MIPEP: variants seen among roughly 807,000 people sequenced by gnomAD.
The protein encoded by MIPEP is mitochondrial intermediate peptidase.
In MIPEP, 79 loss-of-function variants were observed where a neutral mutation model predicts 90.3. The observed-to-expected ratio is 0.87, with a 90% confidence interval of 0.73 to 1.05. The LOEUF is 1.05. Among genes scored for constraint, MIPEP ranks in the 50% least tolerant of loss-of-function variants. The probability of loss-of-function intolerance (pLI) is 0.00; values close to 1 mark genes in which losing one functional copy is unlikely to be tolerated. For synonymous variants in MIPEP, 334 were observed against 315.8 expected, an observed-to-expected ratio of 1.06 and a Z score of -0.61; for missense variants, 940 against 905.6, an observed-to-expected ratio of 1.04 and a Z score of -0.49.
intron 16 of MIPEP, among the ~76,000 whole-genome samples, chr13:23,773,225 A>G (rs562512631): frequency 6.6e-6 from 1 of 152,304 alleles, no homozygotes; most frequent in African/African-American, 2.4e-5. Flanking sequence ...ATGAAATCAC[A>G]CAATAGAGGT....
At chr13:23,843,668 C>G (rs1279922581) in intron 10 of MIPEP, among the ~76,000 whole-genome samples, 1 of 152,144 alleles carries the variant, frequency 6.6e-6, no homozygotes, top group Non-Finnish European at 1.5e-5. Flanking sequence ...GAATGCTGCA[C>G]AGTGGACAGC....
At chr13:23,753,223 CAAAAA>C (rs765963824) in intron 18 of MIPEP, among the ~76,000 whole-genome samples, 1 of 128,124 alleles carries the variant, frequency 7.8e-6, no homozygotes, top group African/African-American at 2.7e-5. Flanking sequence ...GACTCCATCT[CAAAAA>C]AAAAAAAAAA....
intron 14 of MIPEP, among the ~76,000 whole-genome samples, chr13:23,833,804 G>A (rs968467771): frequency 3.9e-5 from 6 of 152,014 alleles, no homozygotes; most frequent in Non-Finnish European, 5.9e-5. Flanking sequence ...GTCCTCCCAC[G>A]CCCTGTGTTC....
chr13:23,851,954 T>C (rs1291162451), intron 10 of MIPEP, among the ~76,000 whole-genome samples: 1 of 152,226 alleles, frequency 6.6e-6, no homozygotes, highest in Non-Finnish European at 1.5e-5. Flanking sequence ...TGAGTTATTA[T>C]ATGTAACATC....
chr13:23,760,052 T>C (rs1348637398), intron 17 of MIPEP, 44 bp downstream of exon 17: 1 of 1,612,508 alleles, frequency 6.2e-7, no homozygotes, highest in Non-Finnish European at 8.5e-7. Context: ...AGTGGGGAAT[T>C]ACTGTGGTCC....
At chr13:23,864,416 C>T (rs756342269) in intron 7 of MIPEP, among the ~76,000 whole-genome samples, 1 of 152,098 alleles carries the variant, frequency 6.6e-6, no homozygotes. Context: ...TAATAATCCA[C>T]AGCGTCAGAT....
chr13:23,771,005 C>A (rs1009972550), intron 16 of MIPEP, among the ~76,000 whole-genome samples: 4 of 152,206 alleles, frequency 2.6e-5, no homozygotes. Flanking sequence ...ACTGAATTCA[C>A]AACTGGCCAG....
At chr13:23,879,459 G>T in intron 3 of MIPEP, 105 bp from the exon 4 acceptor site, 1 of 648,892 alleles carries the variant, frequency 1.5e-6, no homozygotes, top group Non-Finnish European at 2.7e-6. Context: ...ATGCCCAGAA[G>T]CTGAACAGCA....
chr13:23,850,249 T>C (rs1869741737), intron 10 of MIPEP, among the ~76,000 whole-genome samples: 1 of 152,232 alleles, frequency 6.6e-6, no homozygotes, highest in Admixed American at 6.5e-5. Context: ...ATAATTCTCA[T>C]GTTATAGCTG....
intron 16 of MIPEP, among the ~76,000 whole-genome samples, chr13:23,803,878 C>CT (rs1445673679): frequency 1.3e-5 from 2 of 151,260 alleles, no homozygotes; most frequent in East Asian, 1.9e-4. Context: ...AAAGGCAAGC[C>CT]TTAAAATAAT....
chr13:23,788,697 A>G (rs551739051), intron 16 of MIPEP, among the ~76,000 whole-genome samples: 111 of 152,362 alleles, frequency 7.3e-4, no homozygotes, highest in Non-Finnish European at 1.5e-3. Flanking sequence ...TTATCTAGCC[A>G]TTCCTTGAAT....
intron 18 of MIPEP, among the ~76,000 whole-genome samples, chr13:23,752,906 G>T (rs1479925741): frequency 6.6e-6 from 1 of 152,022 alleles, no homozygotes; most frequent in African/African-American, 2.4e-5. Context: ...CCCCTTCAGA[G>T]ATTAAAAAAA....
intron 14 of MIPEP, among the ~76,000 whole-genome samples, chr13:23,812,437 A>G (rs923931713): frequency 6.6e-6 from 1 of 152,154 alleles, no homozygotes; most frequent in Middle Eastern, 3.4e-3. Context: ...CCATTGGAGA[A>G]GCCGGGAAGC....
intron 14 of MIPEP, among the ~76,000 whole-genome samples, chr13:23,831,431 A>G (rs1191500949): frequency 1.4e-5 from 2 of 147,590 alleles, no homozygotes; most frequent in Non-Finnish European, 3.0e-5. Flanking sequence ...TTGTGTTGCT[A>G]TAACAGAATA....
chr13:23,881,134 A>C (rs4067957), intron 3 of MIPEP, among the ~76,000 whole-genome samples: 12 of 152,350 alleles, frequency 7.9e-5, no homozygotes, highest in East Asian at 5.8e-4. Flanking sequence ...CAGCCAGAGC[A>C]TGCTCCAGCC....
chr13:23,874,515 T>C (rs905379164), intron 5 of MIPEP, among the ~76,000 whole-genome samples: 1 of 152,348 alleles, frequency 6.6e-6, no homozygotes, highest in South Asian at 2.1e-4. Context: ...TGATATTCCC[T>C]GTACTACCAA....
intron 2 of MIPEP, among the ~76,000 whole-genome samples, chr13:23,884,520 G>C (rs1303153949): frequency 6.6e-6 from 1 of 152,180 alleles, no homozygotes; most frequent in African/African-American, 2.4e-5. Context: ...TACCCTGCCT[G>C]GGCTGGCAGC....
intron 18 of MIPEP, among the ~76,000 whole-genome samples, chr13:23,743,720 C>G (rs373426788): frequency 8.1e-4 from 123 of 152,316 alleles, no homozygotes; most frequent in African/African-American, 2.8e-3. Context: ...TTTACAATTA[C>G]ATTTCTGGGT....
At position 23,826,330 on chromosome 13, in the gene MIPEP, C is replaced by A. The variant is rs140334244; in HGVS notation, c.1653+9910G>T. On this transcript the variant is annotated intron_variant, in intron 14 of 18. Transcript: ENST00000382172. ...ACAATACAATTAAAAGGTTGACTTA[C>A]CAGACTAGTATGAAACCGCAGACCC... Among the ~76,000 whole-genome samples, 108 of 152,108 alleles carry A rather than the reference C, an allele frequency of 7.1e-4. 2 individuals carry two copies. The East Asian group carries it at 0.014, about 19-fold the overall frequency.
Sources: allele counts gnomAD v4.1 joint callset (sites outside exome capture counted in the v4.1 genomes callset), GRCh38; gene constraint gnomAD v4.1.1; transcripts MANE v1.5; gene names NCBI Gene and HGNC (gene_info 2026-07-23, HGNC 2026-07-21).